The following CNTNAP4 variants were observed in gnomAD, a reference collection of about 807,000 sequenced individuals.
The protein encoded by CNTNAP4 is contactin associated protein family member 4, also known as contactin-associated protein-like 4.
A neutral mutation model predicts 148.4 loss-of-function variants in CNTNAP4; 98 were observed. The observed-to-expected ratio is 0.66, with a 90% CI of 0.56 to 0.78. CNTNAP4 has a LOEUF of 0.78. Ranked by LOEUF, CNTNAP4 falls within the 30% of genes least tolerant of loss-of-function variation. CNTNAP4 has a pLI of 0.00. For synonymous variants in CNTNAP4, 730 were observed against 565.1 expected (o/e 1.29, Z -4.14); for missense variants, 1,935 against 1,565.6 (o/e 1.24, Z -3.98).
rs761479302 is a variant in CNTNAP4 at position 76,449,816 on chromosome 16, C to G, written c.1029C>G (p.Ile343Met). 12 of 1,607,620 alleles carry G rather than the reference C, an allele frequency of 7.5e-6. No homozygotes were observed. In the East Asian group the frequency reaches 2.7e-4, roughly 36 times the overall value. The change falls in exon 7 of 24, where the codon ATC (isoleucine) becomes ATG (methionine). Residue 343 changes from isoleucine (I) to methionine (M), a missense_variant. Physicochemically the swap from Ile to Met is conservative, Grantham distance 10. Coordinates refer to ENST00000611870, the MANE Select transcript of CNTNAP4 (RefSeq NM_033401.5). ...ATCTCTATTATAATGGAGTGGATATCATTGATTTGGCCAAGCAGCAAAAAC... is the reference window on the plus strand; with the variant it reads ...ATCTCTATTATAATGGAGTGGATATGATTGATTTGGCCAAGCAGCAAAAAC... ...LENLYYNGVD[I>M]IDLAKQQKPQ...
intron 17 of CNTNAP4, among the ~76,000 whole-genome samples, chr16:76,528,523 C>T (rs2083838792): frequency 6.6e-6 from 1 of 152,120 alleles, no homozygotes. Context: ...CCTTGGCCTC[C>T]CAAAATGCTG....
intron 17 of CNTNAP4, among the ~76,000 whole-genome samples, chr16:76,530,056 AC>A (rs1477505459): frequency 6.6e-6 from 1 of 152,098 alleles, no homozygotes; most frequent in Non-Finnish European, 1.5e-5. Flanking sequence ...TTTAAAAAAA[AC>A]TTCATAAGAA....
Position 76,535,551 on chromosome 16 carries a change from C to T in CNTNAP4, c.2762C>T (p.Thr921Met), listed in dbSNP as rs536912652. 28 of 1,611,742 alleles carry T rather than the reference C, an allele frequency of 1.7e-5. No homozygotes were observed. The highest frequency in any genetic ancestry group is 2.2e-4 in the Middle Eastern group (1 of 4,554). The change falls in exon 18 of 24, where the codon ACG becomes ATG. Residue 921 changes from threonine to methionine, a missense_variant. Coordinates refer to ENST00000611870, the MANE Select transcript of CNTNAP4 (RefSeq NM_033401.5). ...TGCAGTATTTCCCTTTTAGGTGGAA[C>T]GGCCACCAGACAGAGAGGCTTTCTG... ...QLNSQLFVGG[T>M]ATRQRGFLGC... is the part of the protein sequence containing the mutation.
chr16:76,464,075 A>G (rs9921237), intron 9 of CNTNAP4, among the ~76,000 whole-genome samples: 5 of 152,112 alleles, frequency 3.3e-5, no homozygotes, highest in African/African-American at 1.2e-4. Context: ...CCAGGGCTGG[A>G]AGCAAGGAGC....
chr16:76,318,367 A>C (rs1962033006), intron 2 of CNTNAP4, among the ~76,000 whole-genome samples: 1 of 152,096 alleles, frequency 6.6e-6, no homozygotes, highest in South Asian at 2.1e-4. Flanking sequence ...ATTTTTCATT[A>C]ATTTATATAC....
intron 3 of CNTNAP4, among the ~76,000 whole-genome samples, chr16:76,402,915 A>C (rs1459362758): frequency 6.6e-6 from 1 of 152,092 alleles, no homozygotes; most frequent in Non-Finnish European, 1.5e-5. Context: ...GTTTTGTATA[A>C]GTTAGGTTCT....
intron 3 of CNTNAP4, among the ~76,000 whole-genome samples, chr16:76,370,300 A>G (rs1214220774): frequency 6.6e-6 from 1 of 151,928 alleles, no homozygotes; most frequent in Non-Finnish European, 1.5e-5. Context: ...AAAAAAAAAA[A>G]TCCTTAGTTC....
At chr16:76,330,488 A>G (rs985078907) in intron 2 of CNTNAP4, among the ~76,000 whole-genome samples, 3 of 152,154 alleles carry the variant, frequency 2.0e-5, no homozygotes, top group Non-Finnish European at 4.4e-5. Context: ...CATTGCCTAT[A>G]CTGGTGTTTA....
At chr16:76,489,924 T>C (rs1419793866) in intron 13 of CNTNAP4, 41 bp downstream of exon 13, 1 of 1,305,938 alleles carries the variant, frequency 7.7e-7, no homozygotes, top group Admixed American at 2.5e-5. Flanking sequence ...ACACATCACA[T>C]CATGCACTTA....
chr16:76,522,890 G>A (rs545889991), intron 17 of CNTNAP4, among the ~76,000 whole-genome samples: 19 of 151,626 alleles, frequency 1.3e-4, no homozygotes, highest in African/African-American at 4.4e-4. Flanking sequence ...AGCCTCCTGA[G>A]TAGCTGGGAT....
At chr16:76,360,907 C>G (rs923958709) in intron 3 of CNTNAP4, among the ~76,000 whole-genome samples, 1 of 150,326 alleles carries the variant, frequency 6.7e-6, no homozygotes, top group African/African-American at 2.5e-5. Flanking sequence ...AGCTCCACCT[C>G]CTGGGTTCAC....
chr16:76,446,700 T>C (rs531662274), intron 4 of CNTNAP4, among the ~76,000 whole-genome samples: 3 of 152,252 alleles, frequency 2.0e-5, no homozygotes, highest in African/African-American at 4.8e-5. Flanking sequence ...GAAAATAGTA[T>C]TGCCCTTAAA....
chr16:76,287,474 A>G (rs780558096), intron 1 of CNTNAP4, among the ~76,000 whole-genome samples: 1 of 152,330 alleles, frequency 6.6e-6, no homozygotes, highest in Non-Finnish European at 1.5e-5. Context: ...CTTTATATTT[A>G]TGTATAATTG....
intron 13 of CNTNAP4, among the ~76,000 whole-genome samples, chr16:76,490,320 G>C (rs960262433): frequency 6.6e-6 from 1 of 152,106 alleles, no homozygotes; most frequent in African/African-American, 2.4e-5. Context: ...ACAGCCTCTG[G>C]GTATAATGGA....
intron 1 of CNTNAP4, among the ~76,000 whole-genome samples, chr16:76,291,803 G>A (rs1959128356): frequency 6.6e-6 from 1 of 152,168 alleles, no homozygotes; most frequent in Non-Finnish European, 1.5e-5. Flanking sequence ...TTTTAAATTT[G>A]TAGGATGCCC....
At position 76,507,225 on chromosome 16, in the gene CNTNAP4, A is replaced by G. The variant is rs1331839433; in HGVS notation, c.2365+8531A>G. ...GCATTTATCCTTTGTGTTACAAATA[A>G]TCTAATTATACTATTTTTGTTATTT... is the stretch of plus-strand genomic sequence containing the variant. On this transcript the variant is annotated intron_variant, in intron 15 of 23. Coordinates refer to ENST00000611870, the MANE Select transcript of CNTNAP4 (RefSeq NM_033401.5). 2.1e-5 allele frequency among the ~76,000 whole-genome samples: 2 copies of G among 97,466 alleles called. 1 individual carries two copies. Among genetic ancestry groups the G allele is most frequent in the Non-Finnish European group, 5.8e-5 (2 of 34,262 alleles). The allele number at this position is 97,466 out of a possible 152,430, so 63.9% of individuals were successfully genotyped here. A position where few individuals can be genotyped will look rare whatever the true frequency, so the allele number is the denominator to read the frequency against.
chr16:76,516,551 T>C (rs2083261901), intron 15 of CNTNAP4, among the ~76,000 whole-genome samples: 2 of 152,242 alleles, frequency 1.3e-5, no homozygotes, highest in Non-Finnish European at 2.9e-5. Flanking sequence ...GTGATTGTAC[T>C]CTTGGGCATT....
intron 3 of CNTNAP4, among the ~76,000 whole-genome samples, chr16:76,404,511 A>T (rs950497707): frequency 2.6e-5 from 4 of 152,082 alleles, no homozygotes; most frequent in Non-Finnish European, 5.9e-5. Context: ...TTAATACAAC[A>T]TCATTCTACT....
At chr16:76,506,838 G>GC (rs557356815) in intron 15 of CNTNAP4, among the ~76,000 whole-genome samples, 1,085 of 95,608 alleles carry the variant, frequency 0.011, 146 homozygotes, top group African/African-American at 0.027. Context: ...ATGTAGTGCT[G>GC]CCCCCAGCCA....
Sources: allele counts gnomAD v4.1 joint callset (sites outside exome capture counted in the v4.1 genomes callset), GRCh38; gene constraint gnomAD v4.1.1; transcripts MANE v1.5; gene names NCBI Gene and HGNC (gene_info 2026-07-23, HGNC 2026-07-21).